Variants in ZFHX3 observed in about 807,000 individuals in gnomAD.
ZFHX3 encodes zinc finger homeobox 3.
A neutral mutation model predicts 279.1 loss-of-function variants in ZFHX3; 42 were observed. The ratio of observed to expected loss-of-function variants is 0.15; its 90% CI spans 0.12 to 0.19. The LOEUF (loss-of-function observed/expected upper bound fraction) is 0.19. Among genes scored for constraint, ZFHX3 ranks in the 10% least tolerant of loss-of-function variants. The pLI, the probability that ZFHX3 is intolerant of heterozygous loss-of-function variation, is 1.00. For missense variants in ZFHX3, 4,981 were observed against 4,754.0 expected (o/e 1.05, Z -1.40); for synonymous variants, 2,293 against 1,957.8 (o/e 1.17, Z -4.52).
chr16:73,263,839 G>A (rs936645383), intron 4 of ZFHX3, among the ~76,000 whole-genome samples: 2 of 152,178 alleles, frequency 1.3e-5, no homozygotes, highest in Non-Finnish European at 2.9e-5. Flanking sequence ...GCTGGAAGGT[G>A]CTAAGCAACA....
intron 2 of ZFHX3, among the ~76,000 whole-genome samples, chr16:73,659,421 C>A (rs2052756080): frequency 6.6e-6 from 1 of 151,850 alleles, no homozygotes; most frequent in South Asian, 2.1e-4. Context: ...CGATTAGAAG[C>A]CACGTACAAT....
intron 2 of ZFHX3, among the ~76,000 whole-genome samples, chr16:73,535,955 C>T (rs1262909802): frequency 6.6e-6 from 1 of 152,040 alleles, no homozygotes; most frequent in Non-Finnish European, 1.5e-5. Flanking sequence ...ATCTCCTGAC[C>T]TCAGGATCCG....
At chr16:73,370,950 GA>G (rs2016617868) in intron 3 of ZFHX3, among the ~76,000 whole-genome samples, 1 of 152,164 alleles carries the variant, frequency 6.6e-6, no homozygotes, top group Admixed American at 6.5e-5. Flanking sequence ...GCTTGGGAAT[GA>G]AGGGAGCAAA....
At chr16:73,564,119 G>T (rs1007180424) in intron 2 of ZFHX3, among the ~76,000 whole-genome samples, 15 of 152,210 alleles carry the variant, frequency 9.9e-5, no homozygotes, top group Non-Finnish European at 1.9e-4. Context: ...GTGAGGGAGT[G>T]TTTGCTTCCT....
Position 72,957,531 on chromosome 16 carries a change from A to G in ZFHX3, c.2615T>C (p.Leu872Pro). 1.2e-6 allele frequency: 2 copies of G among 1,614,012 alleles called. No individual in the cohort carries two copies. Among genetic ancestry groups the G allele is most frequent in the Non-Finnish European group, 1.7e-6 (2 of 1,179,958 alleles). The stretch of plus-strand genomic sequence containing the variant: ...AGCACTGTCCATCTTCAGGTTGGGC[A>G]GGTTCATGTTCTGGGCCAGGTAGTA... ...YQYYLAQNMN[L>P]PNLKMDSAAS... Residue 872 changes from leucine to proline, a missense_variant, in exon 2 of 10, where the codon CTG (leucine) becomes CCG (proline). Transcript: ENST00000268489.
At chr16:73,711,421 C>T (rs1232484247) in intron 1 of ZFHX3, among the ~76,000 whole-genome samples, 1 of 152,204 alleles carries the variant, frequency 6.6e-6, no homozygotes, top group Non-Finnish European at 1.5e-5. Context: ...AACAGTGAGC[C>T]TTGTTATAAG....
chr16:72,983,572 T>A lies in ZFHX3; in HGVS notation c.-49-23378A>T, dbSNP rs566483756. Among the ~76,000 whole-genome samples the A allele has an allele frequency of 3.2e-4, 48 of 152,236 alleles. 1 individual carries two copies. The highest frequency in any genetic ancestry group is 5.1e-4 in the Non-Finnish European group (35 of 68,016). On this transcript the variant is annotated intron_variant, in intron 1 of 9. Coordinates refer to ENST00000268489, the MANE Select transcript of ZFHX3 (RefSeq NM_006885.4). ...AAATTAAAAAATTAGCTGGGAGTGG[T>A]GGCACCCACCTGTAGTCCCAGCTAC...
chr16:73,067,281 G>C (rs970513695), intron 8 of ZFHX3, among the ~76,000 whole-genome samples: 1 of 152,186 alleles, frequency 6.6e-6, no homozygotes, highest in African/African-American at 2.4e-5. Flanking sequence ...TGCTCATAAC[G>C]ACACTTAAGC....
rs1274577109 is a variant in ZFHX3, at chr16:73,756,732, G to T, written c.-1607-76492C>A. 2.9e-4 allele frequency among the ~76,000 whole-genome samples: 4 copies of T among 13,990 alleles called. No homozygotes were observed. The South Asian group carries it at 9.0e-3, about 31-fold the overall frequency. The allele number at this position is 13,990 out of a possible 152,430, so 9.2% of individuals were successfully genotyped here. ...CCCCCACCACCCCTGCCCCACCCCC[G>T]CTCCTAACATCAGGAACCCACTCCT... On this transcript the variant is annotated intron_variant, in intron 1 of 17. Transcript: ENST00000641206.
rs549856675 is a variant in ZFHX3 at position 73,784,528 on chromosome 16, C to A, written c.-1607-104288G>T. On this transcript the variant is annotated intron_variant, in intron 1 of 17. Coordinates refer to the ZFHX3 transcript ENST00000641206. The stretch of plus-strand genomic sequence containing the variant: ...CTTTGGGAGGCCAAAGCAGGCAGAT[C>A]ATGAGGTCAAGAGATCGAGACAATC... Among the ~76,000 whole-genome samples, 22 of 152,158 alleles carry A rather than the reference C, an allele frequency of 1.4e-4. No individual in the cohort carries two copies. The South Asian group carries it at 3.9e-3, about 27-fold the overall frequency.
intron 3 of ZFHX3, among the ~76,000 whole-genome samples, chr16:73,403,959 C>T (rs2017308429): frequency 6.6e-6 from 1 of 151,456 alleles, no homozygotes; most frequent in East Asian, 1.9e-4. Context: ...TTTTTCCAGG[C>T]GAAAATGGAA....
intron 3 of ZFHX3, among the ~76,000 whole-genome samples, chr16:72,944,894 A>G (rs1960589896): frequency 6.6e-6 from 1 of 152,204 alleles, no homozygotes; most frequent in South Asian, 2.1e-4. Context: ...AGAGAATAAA[A>G]GTGCTATGGT....
intron 5 of ZFHX3, among the ~76,000 whole-genome samples, chr16:73,215,111 A>G (rs567308644): frequency 6.6e-6 from 1 of 152,276 alleles, no homozygotes; most frequent in African/African-American, 2.4e-5. Flanking sequence ...GAAACTAATT[A>G]TACCAGTCCC....
At chr16:73,101,207 A>G (rs1347713488) in intron 7 of ZFHX3, among the ~76,000 whole-genome samples, 3 of 152,118 alleles carry the variant, frequency 2.0e-5, no homozygotes, top group East Asian at 3.9e-4. Flanking sequence ...TTATATCTCA[A>G]TTGTGGTCCA....
chr16:73,212,523 G>C (rs2144911386), intron 5 of ZFHX3, among the ~76,000 whole-genome samples: 1 of 152,272 alleles, frequency 6.6e-6, no homozygotes, highest in Non-Finnish European at 1.5e-5. Context: ...GAACATTCTA[G>C]ATTGCTATAC....
intron 2 of ZFHX3, among the ~76,000 whole-genome samples, chr16:73,607,554 T>A (rs750820311): frequency 6.6e-6 from 1 of 152,156 alleles, no homozygotes. Flanking sequence ...ATACTAGGTA[T>A]CCCTAATTAT....
At chr16:72,855,698 A>G (rs1320356991) in intron 4 of ZFHX3, among the ~76,000 whole-genome samples, 2 of 152,234 alleles carry the variant, frequency 1.3e-5, no homozygotes, top group Non-Finnish European at 2.9e-5. Flanking sequence ...CACCAGGAAT[A>G]TGGAAAATAA....
chr16:73,168,231 C>CTTTCTTTCTT (rs1555502328), intron 5 of ZFHX3, among the ~76,000 whole-genome samples: 1 of 139,540 alleles, frequency 7.2e-6, no homozygotes, highest in Non-Finnish European at 1.5e-5. Flanking sequence ...TTCTTTCTTT[C>CTTTCTTTCTT]TTTCTTTCTT....
At chr16:73,339,644 A>T (rs537966531) in intron 3 of ZFHX3, among the ~76,000 whole-genome samples, 2 of 152,188 alleles carry the variant, frequency 1.3e-5, no homozygotes, top group African/African-American at 4.8e-5. Context: ...CGGGTTGCTT[A>T]TTCAACCATT....
Sources: allele counts gnomAD v4.1 joint callset (sites outside exome capture counted in the v4.1 genomes callset), GRCh38; gene constraint gnomAD v4.1.1; transcripts MANE v1.5; gene names NCBI Gene and HGNC (gene_info 2026-07-23, HGNC 2026-07-21).